Variants in OR2T33 observed in about 807,000 individuals in gnomAD.
The protein encoded by OR2T33 is olfactory receptor 2T33.
OR2T33 carries 10 observed loss-of-function variants against 14.0 expected under a neutral mutation model. That is an observed-to-expected ratio of 0.72 (90% confidence interval 0.44 to 1.22). OR2T33 has a LOEUF of 1.22. Among genes scored for constraint, OR2T33 ranks in the 50% most tolerant of loss-of-function variants. The pLI, the probability that OR2T33 is intolerant of heterozygous loss-of-function variation, is 0.00. For synonymous variants in OR2T33, 103 were observed against 159.4 expected (o/e 0.65, Z 2.66); for missense variants, 276 against 405.9 (o/e 0.68, Z 2.75).
Position 248,271,254 on chromosome 1 carries a change from G to T in OR2T33, c.*1598C>A, listed in dbSNP as rs570842161. ...CAACATGTTCTAAAATAATTTCTCTGATGGTGAATGAACCTGGTATGAGTA... is the reference window on the plus strand; with the variant it reads ...CAACATGTTCTAAAATAATTTCTCTTATGGTGAATGAACCTGGTATGAGTA... On this transcript the variant is annotated 3_prime_UTR_variant, in exon 2 of 2. Coordinates refer to ENST00000641220, the MANE Select transcript of OR2T33 (RefSeq NM_001004695.2). 9.2e-5 allele frequency: 14 copies of T among 152,100 alleles called. No homozygotes were observed. The highest frequency in any genetic ancestry group is 5.2e-4 in the Admixed American group (8 of 15,262). The allele number at this position is 152,100 out of a possible 1,614,324, so 9.4% of individuals were successfully genotyped here.
intron 1 of OR2T33, among the ~76,000 whole-genome samples, chr1:248,276,047 G>A (rs1296813739): frequency 6.6e-6 from 1 of 152,082 alleles, no homozygotes; most frequent in Non-Finnish European, 1.5e-5. Context: ...GTAGGAGAGG[G>A]GATGGTTTCG....
At chr1:248,277,180 T>A (rs985222972) in intron 1 of OR2T33, among the ~76,000 whole-genome samples, 3 of 151,526 alleles carry the variant, frequency 2.0e-5, no homozygotes, top group African/African-American at 7.3e-5. Flanking sequence ...CTTCTATTTG[T>A]CTTTCTTAGC....
At position 248,272,928 on chromosome 1, in the gene OR2T33, T is replaced by G. The variant is rs1659392201; in HGVS notation, c.887A>C (p.Lys296Thr). The change falls in exon 2 of 2, where the codon AAG becomes ACG. Residue 296 changes from lysine (K) to threonine (T), a missense_variant. Physicochemically the swap from Lys to Thr is moderately conservative, Grantham distance 78. Coordinates refer to ENST00000641220, the MANE Select transcript of OR2T33 (RefSeq NM_001004695.2). ...LIYSVKNSEV[K>T]GALKRWLGTC... Reference sequence around the variant, plus strand: ...CCCCAGCCACCGTTTCAGGGCTCCCTTCACCTCACTGTTCTTCACACTGTA... The same window carrying G: ...CCCCAGCCACCGTTTCAGGGCTCCCGTCACCTCACTGTTCTTCACACTGTA... 2 of 1,614,162 alleles carry G rather than the reference T, an allele frequency of 1.2e-6. No individual in the cohort carries two copies. The highest frequency in any genetic ancestry group is 1.3e-5 in the African/African-American group (1 of 75,040).
intron 1 of OR2T33, among the ~76,000 whole-genome samples, chr1:248,275,263 C>T (rs1659435148): frequency 6.6e-6 from 1 of 152,162 alleles, no homozygotes; most frequent in African/African-American, 2.4e-5. Flanking sequence ...CACAGTAACA[C>T]CAGCGTCTTT....
rs754554538 is a variant in OR2T33 at position 248,271,226 on chromosome 1, G to C, written c.*1626C>G. On this transcript the variant is annotated 3_prime_UTR_variant, in exon 2 of 2. Coordinates refer to ENST00000641220, the MANE Select transcript of OR2T33 (RefSeq NM_001004695.2). ...TTATAGGCTTAGTTTACCATTTTTA[G>C]CTCAACATGTTCTAAAATAATTTCT... 3.3e-5 allele frequency: 5 copies of C among 152,064 alleles called. No homozygotes were observed. The highest frequency in any genetic ancestry group is 7.4e-5 in the Non-Finnish European group (5 of 67,990). 9.4% of individuals were successfully genotyped at this position (152,064 alleles called of 1,614,324 possible).
chr1:248,277,469 G>A (rs1248608942), intron 1 of OR2T33, among the ~76,000 whole-genome samples: 1 of 152,092 alleles, frequency 6.6e-6, no homozygotes, highest in Non-Finnish European at 1.5e-5. Flanking sequence ...CAGCCACACT[G>A]TTCAGTAGAA....
intron 1 of OR2T33, among the ~76,000 whole-genome samples, chr1:248,274,146 G>A (rs989012282): frequency 2.0e-5 from 3 of 152,052 alleles, no homozygotes; most frequent in Non-Finnish European, 2.9e-5. Flanking sequence ...ATATTATTGT[G>A]TTTTTGTTAT....
At position 248,272,343 on chromosome 1, in the gene OR2T33, CT is replaced by C. The variant is rs1239608721; in HGVS notation, c.*508del. 1 of 152,536 alleles carries C rather than the reference CT, an allele frequency of 6.6e-6. No individual in the cohort carries two copies. The highest frequency in any genetic ancestry group is 1.5e-5 in the Non-Finnish European group (1 of 68,364). 9.4% of individuals were successfully genotyped at this position (152,536 alleles called of 1,614,324 possible). ...GTTACATTTGAGTTGTGGACTTTCC[CT>C]TTTGTCATGCATCTATATTTTAAAA... On this transcript the variant is annotated 3_prime_UTR_variant, in exon 2 of 2. Coordinates refer to ENST00000641220, the MANE Select transcript of OR2T33 (RefSeq NM_001004695.2).
rs1353086689 is a variant in OR2T33, at chr1:248,271,422, A to T, written c.*1430T>A. 1 of 152,116 alleles carries T rather than the reference A, an allele frequency of 6.6e-6. No individual in the cohort carries two copies. Among genetic ancestry groups the T allele is most frequent in the Admixed American group, 6.5e-5 (1 of 15,268 alleles). The allele number at this position is 152,116 out of a possible 1,614,324, so 9.4% of individuals were successfully genotyped here. ...TGGGTAAGGAGATAAAATTAACAAGAGTAGCAAACAAAAGTATCAAACAGA... is the reference window on the plus strand; with the variant it reads ...TGGGTAAGGAGATAAAATTAACAAGTGTAGCAAACAAAAGTATCAAACAGA... On this transcript the variant is annotated 3_prime_UTR_variant, in exon 2 of 2. Coordinates refer to ENST00000641220, the MANE Select transcript of OR2T33 (RefSeq NM_001004695.2).
Position 248,271,906 on chromosome 1 carries a change from CTTTT to C in OR2T33, c.*942_*945del, listed in dbSNP as rs150772206. 6.6e-6 allele frequency: 1 copy of C among 151,368 alleles called. No individual in the cohort carries two copies. Among genetic ancestry groups the C allele is most frequent in the Non-Finnish European group, 1.5e-5 (1 of 67,770 alleles). 9.4% of individuals were successfully genotyped at this position (151,368 alleles called of 1,614,324 possible). A position where few individuals can be genotyped will look rare whatever the true frequency, so the allele number is the denominator to read the frequency against. Reference sequence around the variant, plus strand: ...GTGTCTTTATTAATAGAATAGTCTTCTTTTTTTTTGTTTTGCAAACCCCAGATCT... The same window carrying C: ...GTGTCTTTATTAATAGAATAGTCTTCTTTTTGTTTTGCAAACCCCAGATCT... On this transcript the variant is annotated 3_prime_UTR_variant, in exon 2 of 2. Coordinates refer to ENST00000641220, the MANE Select transcript of OR2T33 (RefSeq NM_001004695.2).
chr1:248,273,436 G>T lies in OR2T33; in HGVS notation c.379C>A (p.Pro127Thr), dbSNP rs1369130009. 6.2e-7 allele frequency: 1 copy of T among 1,612,488 alleles called. No homozygotes were observed. The highest frequency in any genetic ancestry group is 1.3e-5 in the African/African-American group (1 of 74,876). Residue 127 changes from proline to threonine, a missense_variant, in exon 2 of 2, where the codon CCA (proline) becomes ACA (threonine). By Grantham distance (38) the Pro-to-Thr change is conservative (BLOSUM62 -1). Transcript: ENST00000641220. ...AYDRYAAVCH[P>T]LRYPTLMSWQ... ...CTCATGAGAGTGGGATATCGGAGTG[G>T]GTGGCAGACAGCCGCATAGCGGTCA...
chr1:248,271,233 A>G lies in OR2T33; in HGVS notation c.*1619T>C, dbSNP rs984487370. The G allele has an allele frequency of 6.6e-6, 1 of 152,174 alleles. No homozygotes were observed. The highest frequency in any genetic ancestry group is 2.4e-5 in the African/African-American group (1 of 41,454). The allele number at this position is 152,174 out of a possible 1,614,324, so 9.4% of individuals were successfully genotyped here. A position where few individuals can be genotyped will look rare whatever the true frequency, so the allele number is the denominator to read the frequency against. ...CTTAGTTTACCATTTTTAGCTCAAC[A>G]TGTTCTAAAATAATTTCTCTGATGG... On this transcript the variant is annotated 3_prime_UTR_variant, in exon 2 of 2. Transcript: ENST00000641220.
intron 1 of OR2T33, among the ~76,000 whole-genome samples, chr1:248,277,312 C>T (rs1659459295): frequency 6.6e-6 from 1 of 152,004 alleles, no homozygotes. Context: ...TTCATACTTA[C>T]TTGAAAACAG....
intron 1 of OR2T33, among the ~76,000 whole-genome samples, chr1:248,275,368 A>T (rs1055662417): frequency 6.6e-5 from 10 of 152,226 alleles, no homozygotes; most frequent in African/African-American, 2.4e-4. Context: ...ACATGTGCCA[A>T]GCCTGTGCCA....
chr1:248,272,989 A>G lies in OR2T33; in HGVS notation c.826T>C (p.Tyr276His). The G allele has an allele frequency of 3.1e-6, 5 of 1,614,126 alleles. No homozygotes were observed. Among genetic ancestry groups the G allele is most frequent in the Non-Finnish European group, 4.2e-6 (5 of 1,180,030 alleles). Reference sequence around the variant, plus strand: ...TTTAGTAAAGGGGTGAACATAGTATAGAAGGCTGACACAACCTTGTCATGG... The same window carrying G: ...TTTAGTAAAGGGGTGAACATAGTATGGAAGGCTGACACAACCTTGTCATGG... ...TNHDKVVSAFYTMFTPLLNPL... is the reference protein window; with the variant it reads ...TNHDKVVSAFHTMFTPLLNPL... The change falls in exon 2 of 2, where the codon TAT becomes CAT. Residue 276 changes from tyrosine (Y) to histidine (H), a missense_variant. Tyr to His is a moderately conservative substitution (Grantham distance 83). Coordinates refer to ENST00000641220, the MANE Select transcript of OR2T33 (RefSeq NM_001004695.2).
rs369862827 is a variant in OR2T33 at position 248,273,494 on chromosome 1, A to G, written c.321T>C (p.Gly107=). 7.3e-5 allele frequency: 117 copies of G among 1,612,844 alleles called. No homozygotes were observed. The highest frequency in any genetic ancestry group is 1.0e-4 in the Admixed American group (6 of 60,012). The stretch of plus-strand genomic sequence containing the variant: ...TGGCTGCTAAGAGGAAGCACTCTCC[A>G]CCACCCAGTGTGGGGAGGAAGAAGA... ...VQIFFLPTLG[G]GECFLLAAMA... Residue 107 remains glycine (G), a synonymous_variant, in exon 2 of 2, where the codon GGT becomes GGC. Transcript: ENST00000641220.
chr1:248,276,351 A>T (rs1659447110), intron 1 of OR2T33, among the ~76,000 whole-genome samples: 1 of 152,198 alleles, frequency 6.6e-6, no homozygotes, highest in Admixed American at 6.6e-5. Context: ...TAGTTTTTTT[A>T]ATGTCATATT....
In OR2T33 at chr1:248,272,746, A is replaced by G. The variant is rs1659388154; in HGVS notation, c.*106T>C. 6 of 1,386,414 alleles carry G rather than the reference A, an allele frequency of 4.3e-6. No homozygotes were observed. In the Admixed American group the frequency reaches 1.1e-4, roughly 26 times the overall value. 85.9% of individuals were successfully genotyped at this position (1,386,414 alleles called of 1,614,324 possible). On this transcript the variant is annotated 3_prime_UTR_variant, in exon 2 of 2. Coordinates refer to ENST00000641220, the MANE Select transcript of OR2T33 (RefSeq NM_001004695.2). ...TTAATTCTTAAAAATATCCTATTATATCAATGCAAAAACTTAATTTTCTCT... is the reference window on the plus strand; with the variant it reads ...TTAATTCTTAAAAATATCCTATTATGTCAATGCAAAAACTTAATTTTCTCT...
chr1:248,275,631 C>T (rs1393886399), intron 1 of OR2T33, among the ~76,000 whole-genome samples: 11 of 152,114 alleles, frequency 7.2e-5, no homozygotes, highest in African/African-American at 2.4e-4. Flanking sequence ...AAACCACCAT[C>T]GCGCGTGTAT....
Sources: gnomAD v4.1 joint callset for allele counts (sites outside exome capture counted in the v4.1 genomes callset) on GRCh38, gnomAD v4.1.1 for gene constraint, MANE v1.5 for transcripts, NCBI Gene and HGNC (gene_info 2026-07-23, HGNC 2026-07-21) for gene names.